The following ADAM18 variants were observed in gnomAD, a reference collection of about 807,000 sequenced individuals.
ADAM18 encodes disintegrin and metalloproteinase domain-containing protein 18.
A neutral mutation model predicts 94.4 loss-of-function variants in ADAM18; 117 were observed. The ratio of observed to expected loss-of-function variants is 1.24; its 90% CI spans 1.07 to 1.45. The LOEUF is 1.45. Among genes scored for constraint, ADAM18 ranks in the 40% most tolerant of loss-of-function variants. The pLI is 0.00. For missense variants in ADAM18, 936 were observed against 880.0 expected (o/e 1.06, Z -0.81); for synonymous variants, 327 against 291.6 (o/e 1.12, Z -1.24).
intron 7 of ADAM18, among the ~76,000 whole-genome samples, chr8:39,634,525 A>G (rs936077458): frequency 5.9e-5 from 9 of 152,164 alleles, no homozygotes; most frequent in African/African-American, 9.7e-5. Flanking sequence ...TCCCACCCCA[A>G]TGTGTCTCAT....
chr8:39,706,825 T>C lies in ADAM18; in HGVS notation c.1938T>C (p.Pro646=). 1.2e-6 allele frequency: 2 copies of C among 1,610,188 alleles called. No individual in the cohort carries two copies. The highest frequency in any genetic ancestry group is 1.7e-6 in the Non-Finnish European group (2 of 1,177,216). ...ATTTTGGTAATTGTCAATGCTTCCCTGGACATAGACCTCCAGATTGTAAAT... is the reference window on the plus strand; with the variant it reads ...ATTTTGGTAATTGTCAATGCTTCCCCGGACATAGACCTCCAGATTGTAAAT... The part of the protein sequence containing the change: ...CNNFGNCQCF[P]GHRPPDCKFQ... The change falls in exon 18 of 20, where the codon CCT becomes CCC. Residue 646 remains proline, a synonymous_variant. Coordinates refer to ENST00000265707, the MANE Select transcript of ADAM18 (RefSeq NM_014237.3).
At chr8:39,625,911 T>G (rs1819754755) in intron 6 of ADAM18, among the ~76,000 whole-genome samples, 1 of 152,200 alleles carries the variant, frequency 6.6e-6, no homozygotes, top group African/African-American at 2.4e-5. Context: ...GATGTGTTAT[T>G]GGATTCTATT....
At chr8:39,715,992 G>A (rs772915319) in intron 18 of ADAM18, among the ~76,000 whole-genome samples, 3 of 151,922 alleles carry the variant, frequency 2.0e-5, no homozygotes, top group Admixed American at 6.6e-5. Flanking sequence ...TCACGAGGAC[G>A]GGAAACTACA....
intron 6 of ADAM18, chr8:39,611,388 T>C: frequency 1.0e-6 from 1 of 960,948 alleles, no homozygotes; most frequent in Non-Finnish European, 1.2e-6. Context: ...TGTAAATGGA[T>C]GTGTTTTGAA....
intron 18 of ADAM18, among the ~76,000 whole-genome samples, chr8:39,717,918 GGTT>G (rs750441424): frequency 6.6e-6 from 1 of 151,332 alleles, no homozygotes; most frequent in Non-Finnish European, 1.5e-5. Context: ...TTAAAAAATG[GGTT>G]GACTTGAGTA....
chr8:39,707,419 G>A (rs1174880742), intron 18 of ADAM18, among the ~76,000 whole-genome samples: 1 of 152,140 alleles, frequency 6.6e-6, no homozygotes, highest in African/African-American at 2.4e-5. Flanking sequence ...GGTGCAACAC[G>A]TTGCTGTTAA....
chr8:39,611,863 C>T (rs747967474), intron 6 of ADAM18, among the ~76,000 whole-genome samples: 9 of 152,064 alleles, frequency 5.9e-5, no homozygotes, highest in Non-Finnish European at 1.2e-4. Flanking sequence ...ATATGATGTT[C>T]TTTCTAAGCC....
At chr8:39,625,441 C>A (rs1282208681) in intron 6 of ADAM18, among the ~76,000 whole-genome samples, 1 of 151,830 alleles carries the variant, frequency 6.6e-6, no homozygotes, top group East Asian at 1.9e-4. Context: ...TCTAGAGGAG[C>A]CTTTTAGGGT....
chr8:39,654,864 T>C (rs1272653708), intron 12 of ADAM18, among the ~76,000 whole-genome samples: 1 of 152,214 alleles, frequency 6.6e-6, no homozygotes, highest in East Asian at 1.9e-4. Flanking sequence ...AGGGGATTTT[T>C]GTCCATTTTT....
At position 39,695,032 on chromosome 8, in the gene ADAM18, C is replaced by A. The variant is rs558540595; in HGVS notation, c.1902+2352C>A. 2.0e-5 allele frequency among the ~76,000 whole-genome samples: 3 copies of A among 151,490 alleles called. No homozygotes were observed. In the East Asian group the frequency reaches 5.8e-4, roughly 29 times the overall value. ...TTCTTAGTAATATTTATTTATGATC[C>A]CTCCATGTCTTTTCATGGCTTTATG... On this transcript the variant is annotated intron_variant, in intron 17 of 19. Transcript: ENST00000265707.
In ADAM18 at chr8:39,584,574, G is replaced by A. The variant is rs373987253; in HGVS notation, c.-49G>A. On this transcript the variant is annotated 5_prime_UTR_variant, in exon 1 of 20. Transcript: ENST00000265707. ...AGAGCCTGCCCGCGAGCTCAACGCT[G>A]CTCAACGGTCTCTGTCCTTGGCTGT... is the stretch of plus-strand genomic sequence containing the variant. 1 of 1,605,994 alleles carries A rather than the reference G, an allele frequency of 6.2e-7. No homozygotes were observed.
At chr8:39,606,664 G>A (rs1819096100) in intron 3 of ADAM18, among the ~76,000 whole-genome samples, 1 of 152,138 alleles carries the variant, frequency 6.6e-6, no homozygotes, top group South Asian at 2.1e-4. Flanking sequence ...TATATCTGGT[G>A]TGAAATCAAA....
At chr8:39,617,557 A>G (rs762984257) in intron 6 of ADAM18, among the ~76,000 whole-genome samples, 1 of 152,218 alleles carries the variant, frequency 6.6e-6, no homozygotes, top group East Asian at 1.9e-4. Flanking sequence ...TCATAGTACT[A>G]TTCACAGTAG....
intron 2 of ADAM18, among the ~76,000 whole-genome samples, chr8:39,587,174 T>C (rs530123033): frequency 6.6e-6 from 1 of 152,328 alleles, no homozygotes; most frequent in East Asian, 1.9e-4. Context: ...GTACTAAACA[T>C]ATCCATCACC....
intron 6 of ADAM18, among the ~76,000 whole-genome samples, chr8:39,613,964 A>C (rs1339266940): frequency 6.6e-6 from 1 of 152,236 alleles, no homozygotes; most frequent in Non-Finnish European, 1.5e-5. Flanking sequence ...ACCTCTGAGA[A>C]ATATGGGATT....
intron 18 of ADAM18, among the ~76,000 whole-genome samples, chr8:39,721,508 T>C (rs1024395925): frequency 1.3e-5 from 2 of 151,388 alleles, no homozygotes; most frequent in Non-Finnish European, 3.0e-5. Flanking sequence ...ATTTGCAAAC[T>C]ATATATCAAC....
At position 39,706,796 on chromosome 8, in the gene ADAM18, A is replaced by T. The variant is rs1374616054; in HGVS notation, c.1909A>T (p.Asn637Tyr). 2.5e-6 allele frequency: 4 copies of T among 1,589,194 alleles called. No individual in the cohort carries two copies. The highest frequency in any genetic ancestry group is 2.7e-5 in the African/African-American group (2 of 74,186). ...CTGTATTTTTCTGTTTCAGATATGT[A>T]ATAATTTTGGTAATTGTCAATGCTT... ...TTKCKGKGICNNFGNCQCFPG... is the reference protein window; with the variant it reads ...TTKCKGKGICYNFGNCQCFPG... The change falls in exon 18 of 20, where the codon AAT (asparagine) becomes TAT (tyrosine). Residue 637 changes from asparagine (N) to tyrosine (Y), a missense_variant. Coordinates refer to ENST00000265707, the MANE Select transcript of ADAM18 (RefSeq NM_014237.3).
intron 18 of ADAM18, among the ~76,000 whole-genome samples, chr8:39,709,167 T>C (rs1043017436): frequency 2.6e-5 from 4 of 152,164 alleles, no homozygotes; most frequent in Non-Finnish European, 5.9e-5. Flanking sequence ...CAGGGGATTT[T>C]ATTGCTGATG....
In ADAM18 at chr8:39,703,646, G is replaced by T. The variant is rs1045381159; in HGVS notation, c.1903-3144G>T. On this transcript the variant is annotated intron_variant, in intron 17 of 19. Transcript: ENST00000265707. ...TCATACATGGCTCTTATTGTTTTGA[G>T]GTATGTTCCTTCAATAGCTAGTTTA... Among the ~76,000 whole-genome samples, 2 of 151,858 alleles carry T rather than the reference G, an allele frequency of 1.3e-5. 1 individual carries two copies.
Sources: allele counts gnomAD v4.1 joint callset (sites outside exome capture counted in the v4.1 genomes callset), GRCh38; gene constraint gnomAD v4.1.1; transcripts MANE v1.5; gene names NCBI Gene and HGNC (gene_info 2026-07-23, HGNC 2026-07-21).